The following DLG2 variants were observed in gnomAD, a reference collection of about 807,000 sequenced individuals.
DLG2 encodes discs large MAGUK scaffold protein 2.
DLG2 carries 45 observed loss-of-function variants against 132.5 expected under a neutral mutation model. The observed-to-expected ratio is 0.34, with a 90% CI of 0.27 to 0.44. The LOEUF (loss-of-function observed/expected upper bound fraction) is 0.44, where lower values mean the gene tolerates loss of function less well. Ranked by LOEUF, DLG2 falls within the 20% of genes least tolerant of loss-of-function variation. The pLI is 1.00. For missense variants in DLG2, 1,045 were observed against 1,196.9 expected, an observed-to-expected ratio of 0.87 and a Z score of 1.87; for synonymous variants, 424 against 419.6, an observed-to-expected ratio of 1.01 and a Z score of -0.13.
chr11:84,585,197 T>A (rs1393187071), intron 6 of DLG2, among the ~76,000 whole-genome samples: 3 of 152,206 alleles, frequency 2.0e-5, no homozygotes. Context: ...TTTCGTATTA[T>A]ATATAATTGT....
chr11:85,544,784 C>T (rs2076199113), intron 3 of DLG2, among the ~76,000 whole-genome samples: 1 of 152,114 alleles, frequency 6.6e-6, no homozygotes, highest in Non-Finnish European at 1.5e-5. Context: ...CATGATTTGG[C>T]TCCCTGTGTG....
At chr11:85,582,515 T>C (rs2078593544) in intron 3 of DLG2, among the ~76,000 whole-genome samples, 1 of 151,374 alleles carries the variant, frequency 6.6e-6, no homozygotes, top group Non-Finnish European at 1.5e-5. Flanking sequence ...TTTGAGAGTA[T>C]AAAATCATGT....
At chr11:84,998,991 T>TA (rs2057960032) in intron 6 of DLG2, among the ~76,000 whole-genome samples, 1 of 147,116 alleles carries the variant, frequency 6.8e-6, no homozygotes, top group Non-Finnish European at 1.5e-5. Context: ...ATATATATAT[T>TA]TTATTTCTAA....
At chr11:84,155,577 C>G (rs561554681) in intron 9 of DLG2, among the ~76,000 whole-genome samples, 79 of 151,838 alleles carry the variant, frequency 5.2e-4, no homozygotes, top group African/African-American at 1.5e-3. Context: ...ATGCCAGGTG[C>G]AGATTAGTGG....
intron 7 of DLG2, among the ~76,000 whole-genome samples, chr11:84,511,638 T>C (rs1230513008): frequency 6.6e-6 from 1 of 152,182 alleles, no homozygotes; most frequent in Admixed American, 6.5e-5. Flanking sequence ...ATCCACTGCT[T>C]ATTTGAATGC....
chr11:83,925,243 T>C (rs1332779540), intron 15 of DLG2, among the ~76,000 whole-genome samples: 1 of 152,122 alleles, frequency 6.6e-6, no homozygotes, highest in Non-Finnish European at 1.5e-5. Flanking sequence ...GATGCCTAGC[T>C]GTAGCCCATC....
intron 11 of DLG2, among the ~76,000 whole-genome samples, chr11:84,038,388 T>C (rs1214825704): frequency 1.3e-5 from 2 of 151,738 alleles, no homozygotes; most frequent in African/African-American, 2.4e-5. Flanking sequence ...AACAATCACA[T>C]GAAAAAAAGC....
intron 6 of DLG2, among the ~76,000 whole-genome samples, chr11:84,785,243 C>T (rs1223572074): frequency 6.6e-6 from 1 of 151,772 alleles, no homozygotes; most frequent in Non-Finnish European, 1.5e-5. Context: ...TAAAAATATG[C>T]TTTTTTTAAA....
intron 7 of DLG2, among the ~76,000 whole-genome samples, chr11:84,435,316 G>T (rs2098997285): frequency 6.6e-6 from 1 of 152,054 alleles, no homozygotes; most frequent in Non-Finnish European, 1.5e-5. Context: ...ATAAAATTAG[G>T]TATACAAAAT....
rs139067801 is a variant in DLG2, at chr11:83,517,525, G to A, written c.2193+15183C>T. 5.6e-3 allele frequency among the ~76,000 whole-genome samples: 859 copies of A among 152,162 alleles called. 12 individuals are homozygous for A. The highest frequency in any genetic ancestry group is 0.019 in the African/African-American group (806 of 41,514). ...TGAAGCCTTCTTCTCTCAACTCATC[G>A]AAGTCAGTCTCTGTCCAGCTTTGTT... is the stretch of plus-strand genomic sequence containing the variant. On this transcript the variant is annotated intron_variant, in intron 21 of 27. Transcript: ENST00000376104.
intron 21 of DLG2, among the ~76,000 whole-genome samples, chr11:83,508,209 C>A (rs1313455021): frequency 6.6e-6 from 1 of 151,658 alleles, no homozygotes. Flanking sequence ...TCTTTGATAA[C>A]TCAAATTGTG....
chr11:84,841,415 T>C (rs1441835073), intron 6 of DLG2, among the ~76,000 whole-genome samples: 2 of 152,034 alleles, frequency 1.3e-5, no homozygotes, highest in Non-Finnish European at 2.9e-5. Flanking sequence ...CTTGCAATAT[T>C]GGATAATTTA....
intron 3 of DLG2, among the ~76,000 whole-genome samples, chr11:85,321,904 T>G (rs2081095636): frequency 6.6e-6 from 1 of 151,892 alleles, no homozygotes; most frequent in Non-Finnish European, 1.5e-5. Flanking sequence ...ATTTGTTGAG[T>G]CTGGAGTAAA....
At chr11:84,564,269 G>A (rs2099440886) in intron 6 of DLG2, among the ~76,000 whole-genome samples, 1 of 152,158 alleles carries the variant, frequency 6.6e-6, no homozygotes, top group Non-Finnish European at 1.5e-5. Context: ...GCCTGTTACA[G>A]AGGAAAAAAT....
intron 7 of DLG2, among the ~76,000 whole-genome samples, chr11:84,471,748 T>C (rs2099108984): frequency 6.6e-6 from 1 of 151,620 alleles, no homozygotes; most frequent in Non-Finnish European, 1.5e-5. Context: ...CCTCCCTTCC[T>C]CAACTCCCTC....
intron 18 of DLG2, among the ~76,000 whole-genome samples, chr11:83,687,135 G>A (rs1013365209): frequency 2.0e-5 from 3 of 152,168 alleles, no homozygotes; most frequent in East Asian, 1.9e-4. Flanking sequence ...TAGTGCCTTC[G>A]CAGGAAGAAT....
At chr11:84,274,098 A>G (rs558861533) in intron 7 of DLG2, among the ~76,000 whole-genome samples, 2 of 152,328 alleles carry the variant, frequency 1.3e-5, no homozygotes, top group South Asian at 4.1e-4. Context: ...ATGCATGTGC[A>G]CTTCGACAAC....
intron 10 of DLG2, among the ~76,000 whole-genome samples, chr11:84,066,000 A>G (rs956689830): frequency 6.6e-6 from 1 of 152,174 alleles, no homozygotes; most frequent in Non-Finnish European, 1.5e-5. Context: ...TCATTTATGT[A>G]AGTGGGAGCT....
At chr11:85,515,791 A>G (rs1373517550) in intron 3 of DLG2, among the ~76,000 whole-genome samples, 1 of 151,950 alleles carries the variant, frequency 6.6e-6, no homozygotes, top group Non-Finnish European at 1.5e-5. Flanking sequence ...TGAATCTTCT[A>G]TCCATAAATG....
Sources: allele counts gnomAD v4.1 joint callset (sites outside exome capture counted in the v4.1 genomes callset), GRCh38; gene constraint gnomAD v4.1.1; transcripts MANE v1.5; gene names NCBI Gene and HGNC (gene_info 2026-07-23, HGNC 2026-07-21).